SEMA6D: variants seen among roughly 807,000 people sequenced by gnomAD.
SEMA6D encodes semaphorin 6D, also known as semaphorin-6D.
Under a neutral mutation model 106.6 loss-of-function variants are expected in SEMA6D, and 35 were observed. The observed-to-expected ratio is 0.33, with a 90% confidence interval of 0.25 to 0.44. The LOEUF (loss-of-function observed/expected upper bound fraction) is 0.44. Ranked by LOEUF, SEMA6D falls within the 20% of genes least tolerant of loss-of-function variation. The probability of loss-of-function intolerance (pLI) is 1.00; values close to 1 mark genes in which losing one functional copy is unlikely to be tolerated. For missense variants in SEMA6D, 1,185 were observed against 1,345.9 expected (o/e 0.88, Z 1.87); for synonymous variants, 499 against 487.7 (o/e 1.02, Z -0.31).
intron 1 of SEMA6D, among the ~76,000 whole-genome samples, chr15:47,752,388 AG>A (rs2147371403): frequency 6.6e-6 from 1 of 152,324 alleles, no homozygotes; most frequent in Admixed American, 6.5e-5. Context: ...AGGTACTTGT[AG>A]GTCATCAGTC....
At chr15:47,615,762 A>C (rs755940680) in intron 4 of SEMA6D, among the ~76,000 whole-genome samples, 1 of 152,258 alleles carries the variant, frequency 6.6e-6, no homozygotes, top group African/African-American at 2.4e-5. Flanking sequence ...TTTGACACTC[A>C]TGCAAGCCCT....
rs530943392 is a variant in SEMA6D, at chr15:47,629,295, A to G, written c.-55+28399A>G. Among the ~76,000 whole-genome samples, 4 of 151,450 alleles carry G rather than the reference A, an allele frequency of 2.6e-5. No homozygotes were observed. The East Asian group carries it at 7.7e-4, about 29-fold the overall frequency. On this transcript the variant is annotated intron_variant, in intron 4 of 19. Transcript: ENST00000558014. ...TTCATGCAAATTTTAGAGTAAGCTT[A>G]TCTATGACTCTAGAAAACTATTGCT...
chr15:47,760,925 C>A, intron 3 of SEMA6D, 53 bp from the exon 4 acceptor site: 1 of 1,480,922 alleles, frequency 6.8e-7, no homozygotes, highest in Non-Finnish European at 9.3e-7. Context: ...AAGGAAGCAG[C>A]TTAACATTTT....
At chr15:47,464,917 T>C (rs2042614566) in intron 2 of SEMA6D, among the ~76,000 whole-genome samples, 1 of 152,144 alleles carries the variant, frequency 6.6e-6, no homozygotes, top group Non-Finnish European at 1.5e-5. Context: ...ATTAAGAGAC[T>C]CTTAAGTTTC....
chr15:47,770,600 A>G lies in SEMA6D; in HGVS notation c.2037A>G (p.Ala679=), dbSNP rs564474645. 6.2e-7 allele frequency: 1 copy of G among 1,614,024 alleles called. No homozygotes were observed. Among genetic ancestry groups the G allele is most frequent in the African/African-American group, 1.3e-5 (1 of 75,008 alleles). ...FAAFVLGAFI[A]GVAVYCYRDM... ...CTTTTGTTTTGGGGGCATTCATTGC[A>G]GGTGTGGCAGTATACTGCTATCGAG... The change falls in exon 19 of 19, where the codon GCA becomes GCG. Residue 679 remains alanine (A), a synonymous_variant. Coordinates refer to ENST00000536845, the MANE Select transcript of SEMA6D (RefSeq NM_001358351.3).
intron 3 of SEMA6D, among the ~76,000 whole-genome samples, chr15:47,472,364 G>T (rs2042876800): frequency 6.6e-6 from 1 of 152,190 alleles, no homozygotes; most frequent in Admixed American, 6.5e-5. Flanking sequence ...ATTAGAATTA[G>T]AACCAAGTCC....
intron 3 of SEMA6D, among the ~76,000 whole-genome samples, chr15:47,537,302 C>T (rs2045199334): frequency 6.6e-6 from 1 of 152,150 alleles, no homozygotes. Context: ...CCTTAAAGAA[C>T]AAATACAACT....
intron 3 of SEMA6D, among the ~76,000 whole-genome samples, chr15:47,498,693 G>A (rs769464343): frequency 6.6e-6 from 1 of 152,134 alleles, no homozygotes; most frequent in Non-Finnish European, 1.5e-5. Flanking sequence ...TATAAATTTT[G>A]TGAAAGATTT....
intron 1 of SEMA6D, among the ~76,000 whole-genome samples, chr15:47,220,967 A>G (rs1167604868): frequency 1.3e-5 from 2 of 152,190 alleles, no homozygotes; most frequent in African/African-American, 2.4e-5. Flanking sequence ...AATATATTAA[A>G]ATGTCTGGGA....
chr15:47,330,337 C>G (rs1397469260), intron 1 of SEMA6D, among the ~76,000 whole-genome samples: 1 of 152,152 alleles, frequency 6.6e-6, no homozygotes, highest in Non-Finnish European at 1.5e-5. Flanking sequence ...AAGGCATTCA[C>G]AGACATGCAC....
chr15:47,195,633 C>G (rs941359498), intron 1 of SEMA6D, among the ~76,000 whole-genome samples: 8 of 152,148 alleles, frequency 5.3e-5, no homozygotes, highest in Admixed American at 6.5e-5. Context: ...AAGGATCACT[C>G]TCACGGGAGA....
intron 3 of SEMA6D, among the ~76,000 whole-genome samples, chr15:47,588,339 T>C (rs1596375160): frequency 6.6e-6 from 1 of 152,214 alleles, no homozygotes; most frequent in East Asian, 1.9e-4. Flanking sequence ...TTGTAGCCTG[T>C]TCTGCCCCTA....
intron 1 of SEMA6D, among the ~76,000 whole-genome samples, chr15:47,304,943 C>T (rs1254957480): frequency 1.3e-5 from 2 of 152,172 alleles, no homozygotes; most frequent in African/African-American, 4.8e-5. Context: ...GAAAGACTCA[C>T]CCTGACCATC....
chr15:47,731,860 T>G (rs1192159018), intron 1 of SEMA6D, among the ~76,000 whole-genome samples: 1 of 152,168 alleles, frequency 6.6e-6, no homozygotes, highest in African/African-American at 2.4e-5. Context: ...TATGTAAATA[T>G]AGACATATAT....
intron 4 of SEMA6D, among the ~76,000 whole-genome samples, chr15:47,625,384 G>A (rs2077183197): frequency 6.6e-6 from 1 of 152,150 alleles, no homozygotes; most frequent in Non-Finnish European, 1.5e-5. Context: ...GTGTGGTTTA[G>A]ATGGGTGGGC....
At chr15:47,362,816 G>T (rs1215849211) in intron 1 of SEMA6D, among the ~76,000 whole-genome samples, 2 of 152,152 alleles carry the variant, frequency 1.3e-5, no homozygotes, top group Non-Finnish European at 2.9e-5. Context: ...TGAAGGACTG[G>T]CAGATTGAGA....
At chr15:47,398,501 A>G (rs1595903390) in intron 1 of SEMA6D, among the ~76,000 whole-genome samples, 1 of 152,018 alleles carries the variant, frequency 6.6e-6, no homozygotes, top group Admixed American at 6.6e-5. Context: ...GGGTTTTGGG[A>G]GGGGGATGGT....
Position 47,503,814 on chromosome 15 carries a change from G to A in SEMA6D, c.-87+33269G>A, listed in dbSNP as rs138608252. On this transcript the variant is annotated intron_variant, in intron 3 of 19. Coordinates refer to the SEMA6D transcript ENST00000558014. ...TTTCCTTCCATTTCTTCCCACACTC[G>A]GAAGTGAACCAAACATCATTTGGGA... is the stretch of plus-strand genomic sequence containing the variant. 2.7e-3 allele frequency among the ~76,000 whole-genome samples: 408 copies of A among 152,146 alleles called. 2 individuals are homozygous for A. Among genetic ancestry groups the A allele is most frequent in the African/African-American group, 9.3e-3 (387 of 41,522 alleles).
At chr15:47,283,899 C>T (rs368271260) in intron 1 of SEMA6D, among the ~76,000 whole-genome samples, 10 of 152,330 alleles carry the variant, frequency 6.6e-5, no homozygotes, top group Admixed American at 3.9e-4. Flanking sequence ...GTTGCCCATA[C>T]CTTACTCGGA....
Sources: gnomAD v4.1 joint callset for allele counts (sites outside exome capture counted in the v4.1 genomes callset) on GRCh38, gnomAD v4.1.1 for gene constraint, MANE v1.5 for transcripts, NCBI Gene and HGNC (gene_info 2026-07-23, HGNC 2026-07-21) for gene names.